Variants in ERBIN observed in about 807,000 individuals in gnomAD.
The protein encoded by ERBIN is densin-180-like protein.
ERBIN carries 60 observed loss-of-function variants against 158.4 expected under a neutral mutation model. The observed-to-expected ratio is 0.38, with a 90% confidence interval of 0.31 to 0.47. ERBIN has a LOEUF of 0.47. Among genes scored for constraint, ERBIN ranks in the 20% least tolerant of loss-of-function variants. ERBIN has a pLI of 0.99. For synonymous variants in ERBIN, 594 were observed against 557.2 expected, an observed-to-expected ratio of 1.07 and a Z score of -0.93; for missense variants, 1,610 against 1,648.0, an observed-to-expected ratio of 0.98 and a Z score of 0.40.
At chr5:65,945,413 C>T (rs576169662) in intron 1 of ERBIN, among the ~76,000 whole-genome samples, 4 of 152,294 alleles carry the variant, frequency 2.6e-5, no homozygotes, top group Non-Finnish European at 2.9e-5. Flanking sequence ...TGCCTGTAAT[C>T]TGCTTTTAAG....
chr5:65,942,049 G>A (rs1365215741), intron 1 of ERBIN, among the ~76,000 whole-genome samples: 2 of 152,094 alleles, frequency 1.3e-5, no homozygotes, highest in East Asian at 3.8e-4. Flanking sequence ...CCTCTTTCTT[G>A]TAATATATTT....
chr5:66,042,871 A>G (rs546816371), intron 15 of ERBIN, among the ~76,000 whole-genome samples: 38 of 152,220 alleles, frequency 2.5e-4, no homozygotes, highest in African/African-American at 7.5e-4. Context: ...AAGAAAGGAT[A>G]TGTGATTGAC....
rs555913112 is a variant in ERBIN at position 65,978,157 on chromosome 5, A to G, written c.-57-10478A>G. ...ATAGCCAAGTCAACTCTATGCTAGG[A>G]ACAGGTGAAATTTACCCACAGACTT... On this transcript the variant is annotated intron_variant, in intron 1 of 25. Transcript: ENST00000284037. Among the ~76,000 whole-genome samples, 3 of 152,316 alleles carry G rather than the reference A, an allele frequency of 2.0e-5. No individual in the cohort carries two copies. In the East Asian group the frequency reaches 5.8e-4, roughly 29 times the overall value.
chr5:65,996,217 T>C (rs1752412755), intron 4 of ERBIN, among the ~76,000 whole-genome samples: 1 of 144,122 alleles, frequency 6.9e-6, no homozygotes, highest in African/African-American at 2.5e-5. Flanking sequence ...GTCATGGAGC[T>C]TTTCTCCTAT....
chr5:65,988,169 A>T (rs1751469126), intron 1 of ERBIN, among the ~76,000 whole-genome samples: 1 of 152,094 alleles, frequency 6.6e-6, no homozygotes, highest in Non-Finnish European at 1.5e-5. Context: ...CCAGGAGTTC[A>T]AGACCAGCAT....
rs1756007722 is a variant in ERBIN at position 66,024,292 on chromosome 5, T to G, written c.673-14T>G. On this transcript the variant is annotated splice_polypyrimidine_tract_variant and intron_variant, in intron 9 of 25. Coordinates refer to ENST00000284037, the MANE Select transcript of ERBIN (RefSeq NM_001253697.2). The stretch of plus-strand genomic sequence containing the variant: ...TGTTAATAGAGTCATTAGATTTTCT[T>G]TTTTTACTTATAGTTTATTGGTAGT... 8 of 1,458,112 alleles carry G rather than the reference T, an allele frequency of 5.5e-6. No individual in the cohort carries two copies. Among genetic ancestry groups the G allele is most frequent in the Non-Finnish European group, 7.5e-6 (8 of 1,072,700 alleles). 90.3% of individuals were successfully genotyped at this position (1,458,112 alleles called of 1,614,324 possible).
chr5:65,940,298 A>C (rs1187564169), intron 1 of ERBIN, among the ~76,000 whole-genome samples: 13 of 123,124 alleles, frequency 1.1e-4, no homozygotes, highest in South Asian at 2.6e-4. Context: ...AAGTGAGGAG[A>C]CCCTCCGCCT....
chr5:66,077,203 G>A (rs1330205203), intron 25 of ERBIN, among the ~76,000 whole-genome samples: 5 of 151,582 alleles, frequency 3.3e-5, no homozygotes, highest in African/African-American at 1.2e-4. Flanking sequence ...TTTAAGCTCA[G>A]GAATGTTAAT....
chr5:65,992,455 C>T (rs1279919627), intron 2 of ERBIN, among the ~76,000 whole-genome samples: 1 of 152,144 alleles, frequency 6.6e-6, no homozygotes, highest in Non-Finnish European at 1.5e-5. Flanking sequence ...CCTCAAAGCA[C>T]AGTTTTTGAA....
chr5:65,974,369 A>G (rs1014252210), intron 1 of ERBIN, among the ~76,000 whole-genome samples: 3 of 152,248 alleles, frequency 2.0e-5, no homozygotes, highest in Non-Finnish European at 4.4e-5. Context: ...ATTAGAAAGC[A>G]AGCATAGGTT....
rs778952769 is a variant in ERBIN at position 66,014,685 on chromosome 5, A to G, written c.493A>G (p.Ile165Val). 3.4e-5 allele frequency: 49 copies of G among 1,440,874 alleles called. No individual in the cohort carries two copies. The highest frequency in any genetic ancestry group is 4.4e-5 in the Non-Finnish European group (47 of 1,062,500). 89.3% of individuals were successfully genotyped at this position (1,440,874 alleles called of 1,614,324 possible). ...GTATTGCAGATTAACTAAACTCCAAATATTAGAGCTTAGAGAAAACCAGTT... is the reference window on the plus strand; with the variant it reads ...GTATTGCAGATTAACTAAACTCCAAGTATTAGAGCTTAGAGAAAACCAGTT... ...ANFGRLTKLQ[I>V]LELRENQLKM... The change falls in exon 7 of 26, where the codon ATA becomes GTA. Residue 165 changes from isoleucine to valine, a missense_variant. Ile to Val is a conservative substitution (Grantham distance 29). Around this residue, in one of 2 missense-constraint regions of ERBIN, gnomAD observed 596 missense variants for 711.9 expected, o/e 0.84. Coordinates refer to ENST00000284037, the MANE Select transcript of ERBIN (RefSeq NM_001253697.2).
At chr5:65,998,413 G>A (rs1752675572) in intron 4 of ERBIN, among the ~76,000 whole-genome samples, 1 of 151,772 alleles carries the variant, frequency 6.6e-6, no homozygotes, top group African/African-American at 2.4e-5. Context: ...TTAGTGGTTA[G>A]TGCCGTACTG....
intron 2 of ERBIN, among the ~76,000 whole-genome samples, chr5:65,991,166 A>T (rs1056602619): frequency 9.8e-5 from 15 of 152,376 alleles, no homozygotes; most frequent in African/African-American, 3.4e-4. Flanking sequence ...AGTGCCTTGC[A>T]GATCCCTGTT....
At chr5:66,004,974 G>A (rs1561361238) in intron 4 of ERBIN, among the ~76,000 whole-genome samples, 2 of 152,164 alleles carry the variant, frequency 1.3e-5, no homozygotes, top group Admixed American at 1.3e-4. Context: ...GAGCCTTGGA[G>A]GCATTTGTAT....
intron 21 of ERBIN, among the ~76,000 whole-genome samples, chr5:66,071,411 T>A (rs1369527000): frequency 2.7e-5 from 4 of 148,510 alleles, no homozygotes; most frequent in Non-Finnish European, 5.9e-5. Flanking sequence ...GGTAATGAGA[T>A]TGAGTCTTAT....
At chr5:65,942,769 AC>A (rs1447513547) in intron 1 of ERBIN, among the ~76,000 whole-genome samples, 2 of 152,296 alleles carry the variant, frequency 1.3e-5, no homozygotes, top group African/African-American at 2.4e-5. Context: ...TACTAAAAAT[AC>A]AAAAATTAGC....
chr5:66,038,547 C>T, intron 15 of ERBIN, 65 bp downstream of exon 15: 1 of 1,221,668 alleles, frequency 8.2e-7, no homozygotes, highest in Admixed American at 2.1e-5. Context: ...GTGAAGTGAA[C>T]TTTAAGTCTC....
intron 4 of ERBIN, among the ~76,000 whole-genome samples, chr5:65,998,323 A>G (rs1306838832): frequency 6.6e-6 from 1 of 150,888 alleles, no homozygotes; most frequent in African/African-American, 2.4e-5. Flanking sequence ...TGTATGTTTT[A>G]TAGGATTATG....
At chr5:65,975,516 G>T (rs2150997474) in intron 1 of ERBIN, among the ~76,000 whole-genome samples, 1 of 152,322 alleles carries the variant, frequency 6.6e-6, no homozygotes, top group East Asian at 1.9e-4. Flanking sequence ...ATGTTGGCCA[G>T]GCTGGTTGTG....
Sources: allele counts gnomAD v4.1 joint callset (sites outside exome capture counted in the v4.1 genomes callset), GRCh38; gene constraint gnomAD v4.1.1; regional missense constraint gnomAD v4.1.1; transcripts MANE v1.5; gene names NCBI Gene and HGNC (gene_info 2026-07-23, HGNC 2026-07-21).